Variants in ARIH1 observed in about 807,000 individuals in gnomAD.
ARIH1 encodes ariadne RBR E3 ubiquitin protein ligase 1.
Under a neutral mutation model 85.0 loss-of-function variants are expected in ARIH1, and 8 were observed. The ratio of observed to expected loss-of-function variants is 0.09; its 90% confidence interval spans 0.06 to 0.17. The LOEUF (loss-of-function observed/expected upper bound fraction) is 0.17, where lower values mean the gene tolerates loss of function less well. Among genes scored for constraint, ARIH1 ranks in the 10% least tolerant of loss-of-function variants. The pLI, the probability that ARIH1 is intolerant of heterozygous loss-of-function variation, is 1.00. For synonymous variants in ARIH1, 238 were observed against 253.6 expected (o/e 0.94, Z 0.59); for missense variants, 311 against 718.1 (o/e 0.43, Z 6.48).
chr15:72,560,160 C>T (rs1054059174), intron 5 of ARIH1, among the ~76,000 whole-genome samples: 4 of 152,126 alleles, frequency 2.6e-5, no homozygotes, highest in African/African-American at 7.2e-5. Flanking sequence ...TACAGGCGTA[C>T]TGGACACCTG....
chr15:72,567,637 CCAGA>C (rs1406371438), intron 9 of ARIH1, among the ~76,000 whole-genome samples: 3 of 152,166 alleles, frequency 2.0e-5, no homozygotes, highest in Admixed American at 6.5e-5. Flanking sequence ...TTTCTTAACC[CCAGA>C]CAAATGTCTT....
At chr15:72,567,229 A>T in intron 9 of ARIH1, 52 bp downstream of exon 9, 2 of 1,462,904 alleles carry the variant, frequency 1.4e-6, no homozygotes, top group Non-Finnish European at 1.9e-6. Context: ...AAGGATTGGT[A>T]CTTTGGCATT....
chr15:72,483,004 G>C (rs980779293), intron 1 of ARIH1, among the ~76,000 whole-genome samples: 8 of 151,944 alleles, frequency 5.3e-5, no homozygotes, highest in Non-Finnish European at 1.5e-5. Flanking sequence ...CCACACCCCA[G>C]CTTATTTTTT....
chr15:72,570,570 G>A (rs1191837105), intron 10 of ARIH1, among the ~76,000 whole-genome samples: 2 of 152,290 alleles, frequency 1.3e-5, no homozygotes, highest in East Asian at 3.9e-4. Flanking sequence ...TAGGGCAAAA[G>A]TTGCAACATG....
At position 72,574,479 on chromosome 15, in the gene ARIH1, T is replaced by C. The variant is rs2064261251; in HGVS notation, c.1215+2314T>C. On this transcript the variant is annotated intron_variant, in intron 11 of 13. Coordinates refer to ENST00000379887, the MANE Select transcript of ARIH1 (RefSeq NM_005744.5). The stretch of plus-strand genomic sequence containing the variant: ...TGTAGTCTGAAAAATTACTAGAAGG[T>C]TGACACATATTCAAAAGATCCTTGA... Among the ~76,000 whole-genome samples the C allele has an allele frequency of 2.6e-5, 4 of 152,214 alleles. No homozygotes were observed. The South Asian group carries it at 6.2e-4, about 24-fold the overall frequency.
chr15:72,566,653 G>T (rs749493304), intron 8 of ARIH1, 48 bp downstream of exon 8: 1 of 1,477,058 alleles, frequency 6.8e-7, no homozygotes, highest in South Asian at 1.2e-5. Context: ...ACACTTCTAA[G>T]ACTTAGTGAC....
At chr15:72,504,176 T>G (rs2063914971) in intron 1 of ARIH1, among the ~76,000 whole-genome samples, 2 of 152,184 alleles carry the variant, frequency 1.3e-5, no homozygotes, top group South Asian at 4.1e-4. Context: ...TGCCTCAGTC[T>G]CTTGAATAGC....
chr15:72,510,021 A>G (rs1306512854), intron 1 of ARIH1, among the ~76,000 whole-genome samples: 2 of 151,394 alleles, frequency 1.3e-5, no homozygotes, highest in East Asian at 1.9e-4. Context: ...AGCTCAAGTG[A>G]TCCTCCTGCC....
At chr15:72,577,802 G>A (rs1281980304) in intron 11 of ARIH1, among the ~76,000 whole-genome samples, 2 of 152,168 alleles carry the variant, frequency 1.3e-5, no homozygotes, top group South Asian at 2.1e-4. Context: ...AGAGGAAGTC[G>A]AATGGGATTC....
Position 72,597,461 on chromosome 15 carries a change from G to A in ARIH1, c.*14169G>A, listed in dbSNP as rs2064367506. The A allele has an allele frequency of 7.0e-6, 1 of 142,766 alleles. No individual in the cohort carries two copies. Among genetic ancestry groups the A allele is most frequent in the African/African-American group, 3.0e-5 (1 of 33,032 alleles). 8.8% of individuals were successfully genotyped at this position (142,766 alleles called of 1,614,324 possible). A position where few individuals can be genotyped will look rare whatever the true frequency, so the allele number is the denominator to read the frequency against. ...TTTTTTAATCAATGGGCTGGGGATA[G>A]GAGGATCTTTCTCAGCTCTCATGTG... On this transcript the variant is annotated 3_prime_UTR_variant, in exon 14 of 14. Coordinates refer to ENST00000379887, the MANE Select transcript of ARIH1 (RefSeq NM_005744.5).
chr15:72,495,187 A>G (rs768472431), intron 1 of ARIH1, among the ~76,000 whole-genome samples: 11 of 152,166 alleles, frequency 7.2e-5, no homozygotes, highest in Non-Finnish European at 1.2e-4. Context: ...ATAGAGATAG[A>G]AAGTAGATCA....
At chr15:72,476,338 T>C (rs1467808184) in intron 1 of ARIH1, among the ~76,000 whole-genome samples, 2 of 152,186 alleles carry the variant, frequency 1.3e-5, no homozygotes, top group East Asian at 3.9e-4. Context: ...GAACACAGTC[T>C]AAGAAGGAAG....
At chr15:72,560,782 A>G (rs981203297) in intron 5 of ARIH1, among the ~76,000 whole-genome samples, 6 of 152,040 alleles carry the variant, frequency 3.9e-5, no homozygotes, top group Non-Finnish European at 8.8e-5. Context: ...AAAAGATTTT[A>G]ATGGGGTTGA....
chr15:72,531,103 G>C (rs2064054524), intron 2 of ARIH1, among the ~76,000 whole-genome samples: 1 of 152,078 alleles, frequency 6.6e-6, no homozygotes, highest in African/African-American at 2.4e-5. Flanking sequence ...CTGAAATCTG[G>C]ATGCATCTTT....
chr15:72,570,881 C>A (rs1595872839), intron 10 of ARIH1, among the ~76,000 whole-genome samples: 1 of 152,238 alleles, frequency 6.6e-6, no homozygotes, highest in African/African-American at 2.4e-5. Context: ...GTAATCCCGG[C>A]AATTTGGGAG....
intron 1 of ARIH1, among the ~76,000 whole-genome samples, chr15:72,482,114 G>T (rs1386601503): frequency 6.6e-6 from 1 of 152,116 alleles, no homozygotes; most frequent in Non-Finnish European, 1.5e-5. Flanking sequence ...GGGATTACAG[G>T]CATGAGCCAC....
intron 11 of ARIH1, among the ~76,000 whole-genome samples, chr15:72,573,830 T>C (rs1056525517): frequency 6.6e-6 from 1 of 152,140 alleles, no homozygotes; most frequent in Non-Finnish European, 1.5e-5. Flanking sequence ...GATACTGTTG[T>C]TGGGGTTTTA....
At chr15:72,525,311 T>G (rs2064022530) in intron 2 of ARIH1, among the ~76,000 whole-genome samples, 1 of 152,246 alleles carries the variant, frequency 6.6e-6, no homozygotes, top group African/African-American at 2.4e-5. Flanking sequence ...ATAATAAATG[T>G]CAGTTATGCA....
In ARIH1 at chr15:72,591,053, C is replaced by G. The variant is rs901969062; in HGVS notation, c.*7761C>G. 2.0e-5 allele frequency: 3 copies of G among 151,712 alleles called. No homozygotes were observed. The highest frequency in any genetic ancestry group is 2.9e-5 in the Non-Finnish European group (2 of 67,944). 9.4% of individuals were successfully genotyped at this position (151,712 alleles called of 1,614,324 possible). A position where few individuals can be genotyped will look rare whatever the true frequency, so the allele number is the denominator to read the frequency against. ...CCTGGCCAACACAGTGAAACCTCAT[C>G]TCTACTAAAAATACAAAAATTAGCC... is the stretch of plus-strand genomic sequence containing the variant. On this transcript the variant is annotated 3_prime_UTR_variant, in exon 14 of 14. Coordinates refer to ENST00000379887, the MANE Select transcript of ARIH1 (RefSeq NM_005744.5).
Sources: allele counts gnomAD v4.1 joint callset (sites outside exome capture counted in the v4.1 genomes callset), GRCh38; gene constraint gnomAD v4.1.1; transcripts MANE v1.5; gene names NCBI Gene and HGNC (gene_info 2026-07-23, HGNC 2026-07-21).